ANTXRL: variants seen among roughly 807,000 people sequenced by gnomAD.
The protein encoded by ANTXRL is anthrax toxin receptor-like.
A neutral mutation model predicts 75.4 loss-of-function variants in ANTXRL; 63 were observed. That is an observed-to-expected ratio of 0.84 (90% confidence interval 0.68 to 1.03). ANTXRL has a LOEUF of 1.03. Among genes scored for constraint, ANTXRL ranks in the 50% least tolerant of loss-of-function variants. ANTXRL has a pLI of 0.00. For synonymous variants in ANTXRL, 335 were observed against 291.3 expected, an observed-to-expected ratio of 1.15 and a Z score of -1.53; for missense variants, 797 against 789.4, an observed-to-expected ratio of 1.01 and a Z score of -0.12.
intron 16 of ANTXRL, among the ~76,000 whole-genome samples, chr10:46,324,994 C>T (rs1355534946): frequency 6.6e-6 from 1 of 152,126 alleles, no homozygotes; most frequent in Non-Finnish European, 1.5e-5. Context: ...GAAACCCTCA[C>T]CACAGAGATG....
chr10:46,300,985 C>T (rs1837695898), intron 9 of ANTXRL, among the ~76,000 whole-genome samples: 1 of 150,710 alleles, frequency 6.6e-6, no homozygotes, highest in African/African-American at 2.5e-5. Flanking sequence ...TTTATCTCTC[C>T]CACCCCCCCT....
intron 3 of ANTXRL, among the ~76,000 whole-genome samples, chr10:46,294,568 T>C (rs527316515): frequency 6.6e-6 from 1 of 151,946 alleles, no homozygotes; most frequent in Admixed American, 6.6e-5. Context: ...AGAAGAGAGG[T>C]GAGGACACTG....
At chr10:46,291,961 C>A in intron 1 of ANTXRL, 97 bp from the exon 2 acceptor site, 1 of 1,153,186 alleles carries the variant, frequency 8.7e-7, no homozygotes. Context: ...GTCAGGAGAG[C>A]TTGTTAAGAG....
At chr10:46,325,167 G>A (rs1359207121) in intron 16 of ANTXRL, among the ~76,000 whole-genome samples, 4 of 152,036 alleles carry the variant, frequency 2.6e-5, no homozygotes, top group Non-Finnish European at 5.9e-5. Flanking sequence ...GAATCCCTGA[G>A]CCCTGTCTAT....
At chr10:46,286,098 A>G (rs1836758312), upstream of ANTXRL, among the ~76,000 whole-genome samples, 1 of 152,146 alleles carries the variant, frequency 6.6e-6, no homozygotes, top group African/African-American at 2.4e-5. Context: ...CGTTGGTCAT[A>G]CAGCAGTTTT....
rs782549498 is a variant in ANTXRL at position 46,297,839 on chromosome 10, A to G, written c.663A>G (p.Ala221=). 4.1e-4 allele frequency: 625 copies of G among 1,535,782 alleles called. 8 individuals are homozygous for G. Among genetic ancestry groups the G allele is most frequent in the Admixed American group, 6.9e-4 (35 of 50,964 alleles). ...AGCTCTGCTCTCTGTAGATAACAGC[A>G]ATTGCAGACAGCCCTGGCCACGTGT... ...VADYNLDQIT[A]IADSPGHVFA... is the part of the protein sequence containing the mutation. Residue 221 remains alanine (A), a synonymous_variant, in exon 8 of 17, where the codon GCA becomes GCG. Transcript: ENST00000620264.
chr10:46,303,111 C>A (rs1244416714), intron 10 of ANTXRL, among the ~76,000 whole-genome samples: 6 of 152,208 alleles, frequency 3.9e-5, no homozygotes, highest in Non-Finnish European at 8.8e-5. Flanking sequence ...CTGCATCTGC[C>A]CACCTTAGCC....
In ANTXRL at chr10:46,329,794, C is replaced by G; in HGVS notation, c.1606C>G (p.His536Asp). Residue 536 changes from histidine to aspartate, a missense_variant, in exon 17 of 17, where the codon CAC (histidine) becomes GAC (aspartate). Around this residue, in one of 3 missense-constraint regions of ANTXRL, gnomAD observed 479 missense variants for 422.0 expected, o/e 1.14. Transcript: ENST00000620264. ...ARCSPNICLR[H>D]SQHSRECLAR... ...CTGCAGCCCAAACATCTGCCTGAGA[C>G]ACAGCCAACACAGCAGGGAGTGCCT... 1 of 1,533,894 alleles carries G rather than the reference C, an allele frequency of 6.5e-7. No individual in the cohort carries two copies. The highest frequency in any genetic ancestry group is 8.7e-7 in the Non-Finnish European group (1 of 1,146,382).
chr10:46,314,892 G>A (rs1318107443), intron 16 of ANTXRL, among the ~76,000 whole-genome samples: 2 of 152,128 alleles, frequency 1.3e-5, no homozygotes, highest in Non-Finnish European at 2.9e-5. Context: ...AACCCAGGGA[G>A]GCCCATAGCT....
rs1554963589 is a variant in ANTXRL, at chr10:46,311,675, G to A, written c.1329+10G>A. On this transcript the variant is annotated intron_variant, in intron 15 of 16. Coordinates refer to ENST00000620264, the MANE Select transcript of ANTXRL (RefSeq NM_001278688.3). ...GATGAGAAGGATAGAGGTGAGAAGGGCACAGTGGAGAGGGGCTGTGACCCC... is the reference window on the plus strand; with the variant it reads ...GATGAGAAGGATAGAGGTGAGAAGGACACAGTGGAGAGGGGCTGTGACCCC... 6.5e-6 allele frequency: 6 copies of A among 929,676 alleles called. No individual in the cohort carries two copies. The highest frequency in any genetic ancestry group is 2.0e-5 in the Admixed American group (1 of 49,866). The allele number at this position is 929,676 out of a possible 1,614,324, so 57.6% of individuals were successfully genotyped here.
rs1246729919 is a variant in ANTXRL, at chr10:46,289,644, G to A, written c.248+2134G>A. Among the ~76,000 whole-genome samples the A allele has an allele frequency of 3.3e-5, 5 of 152,074 alleles. No homozygotes were observed. The East Asian group carries it at 5.8e-4, about 18-fold the overall frequency. Reference sequence around the variant, plus strand: ...CAGCCTGAGCTGAGGCAGGAGGATCGCTTGAGCCTGAGAGGTCAAGACTGC... The same window carrying A: ...CAGCCTGAGCTGAGGCAGGAGGATCACTTGAGCCTGAGAGGTCAAGACTGC... On this transcript the variant is annotated intron_variant, in intron 1 of 16. Transcript: ENST00000620264.
At position 46,306,880 on chromosome 10, in the gene ANTXRL, C is replaced by A; in HGVS notation, c.965+8C>A. The A allele has an allele frequency of 6.6e-7, 1 of 1,524,732 alleles. No homozygotes were observed. Among genetic ancestry groups the A allele is most frequent in the Non-Finnish European group, 8.8e-7 (1 of 1,141,472 alleles). The allele number at this position is 1,524,732 out of a possible 1,614,324, so 94.5% of individuals were successfully genotyped here. A position where few individuals can be genotyped will look rare whatever the true frequency, so the allele number is the denominator to read the frequency against. ...ACTAGAAAAACCTGGAGAGTAAGTGCCCCTGGCAGGAGGCTAGAGGGCAAG... is the reference window on the plus strand; with the variant it reads ...ACTAGAAAAACCTGGAGAGTAAGTGACCCTGGCAGGAGGCTAGAGGGCAAG... On this transcript the variant is annotated splice_region_variant and intron_variant, in intron 11 of 16. Coordinates refer to ENST00000620264, the MANE Select transcript of ANTXRL (RefSeq NM_001278688.3).
intron 9 of ANTXRL, among the ~76,000 whole-genome samples, chr10:46,302,490 G>A (rs577647338): frequency 6.6e-6 from 1 of 152,264 alleles, no homozygotes; most frequent in Admixed American, 6.5e-5. Flanking sequence ...GGAATGGTAG[G>A]GAGAGGGTCC....
At chr10:46,314,662 T>C (rs1838622890) in intron 16 of ANTXRL, among the ~76,000 whole-genome samples, 1 of 152,046 alleles carries the variant, frequency 6.6e-6, no homozygotes, top group African/African-American at 2.4e-5. Context: ...GGCAGAGTAA[T>C]TGCATTACAG....
chr10:46,327,322 T>C (rs1263360873), intron 16 of ANTXRL, among the ~76,000 whole-genome samples: 1 of 151,806 alleles, frequency 6.6e-6, no homozygotes, highest in African/African-American at 2.4e-5. Flanking sequence ...GGGTGTGAGC[T>C]GGGAGGGAAG....
chr10:46,294,224 G>A (rs1554957863), intron 3 of ANTXRL: 26 of 385,340 alleles, frequency 6.7e-5, no homozygotes, highest in South Asian at 6.1e-4. Flanking sequence ...CTGGCAGGGC[G>A]GGGGTGTGTG....
intron 7 of ANTXRL, 126 bp from the exon 8 acceptor site, chr10:46,297,705 G>T (rs1837467194): frequency 1.0e-6 from 1 of 954,010 alleles, no homozygotes; most frequent in East Asian, 2.6e-5. Context: ...GGAGAAGTCT[G>T]TGACATTCAG....
chr10:46,289,277 AC>A (rs1554955946), intron 1 of ANTXRL, among the ~76,000 whole-genome samples: 2 of 152,110 alleles, frequency 1.3e-5, no homozygotes, highest in African/African-American at 4.8e-5. Context: ...AGTGGGAATG[AC>A]CCCTTGTATT....
chr10:46,320,498 T>C (rs1319836408), intron 16 of ANTXRL, among the ~76,000 whole-genome samples: 4 of 152,112 alleles, frequency 2.6e-5, no homozygotes, highest in African/African-American at 9.7e-5. Context: ...TTGGGAGGCC[T>C]AGGTGGGCAT....
Sources: gnomAD v4.1 joint callset for allele counts (sites outside exome capture counted in the v4.1 genomes callset) on GRCh38, gnomAD v4.1.1 for gene constraint, gnomAD v4.1.1 regional missense constraint, MANE v1.5 for transcripts, NCBI Gene and HGNC (gene_info 2026-07-23, HGNC 2026-07-21) for gene names.